SAMD7: variants seen among roughly 807,000 people sequenced by gnomAD.
SAMD7 encodes sterile alpha motif domain-containing protein 7.
In SAMD7, 34 loss-of-function variants were observed where a neutral mutation model predicts 36.7. The ratio of observed to expected loss-of-function variants is 0.93; its 90% CI spans 0.71 to 1.23. The LOEUF (loss-of-function observed/expected upper bound fraction) is 1.23, where lower values mean the gene tolerates loss of function less well. SAMD7 is among the 50% of genes most tolerant of loss of function. The probability of loss-of-function intolerance (pLI) is 0.00; values close to 1 mark genes in which losing one functional copy is unlikely to be tolerated. For synonymous variants in SAMD7, 188 were observed against 189.7 expected, an observed-to-expected ratio of 0.99 and a Z score of 0.07; for missense variants, 570 against 546.6, an observed-to-expected ratio of 1.04 and a Z score of -0.43.
In SAMD7 at chr3:169,927,020, G is replaced by A; in HGVS notation, c.758G>A (p.Gly253Glu). The stretch of plus-strand genomic sequence containing the variant: ...ACGACAGCTCTTGCCAACACCTGTG[G>A]AGAGCTCGAGCCCACCCATAGGAAA... ...KPTTALANTC[G>E]ELEPTHRKPW... The change falls in exon 6 of 9, where the codon GGA becomes GAA. Residue 253 changes from glycine (G) to glutamate (E), a missense_variant. Coordinates refer to ENST00000335556, the MANE Select transcript of SAMD7 (RefSeq NM_001304366.2). 3 of 1,612,734 alleles carry A rather than the reference G, an allele frequency of 1.9e-6. No individual in the cohort carries two copies.
intron 7 of SAMD7, chr3:169,933,055 TG>T: frequency 1.1e-6 from 1 of 873,620 alleles, no homozygotes; most frequent in Non-Finnish European, 1.9e-6. Context: ...AATGGTGTGC[TG>T]AAGTCTACCT....
Position 169,935,792 on chromosome 3 carries a change from C to T in SAMD7, c.1042-547C>T, listed in dbSNP as rs906982774. Among the ~76,000 whole-genome samples, 24 of 152,318 alleles carry T rather than the reference C, an allele frequency of 1.6e-4. No homozygotes were observed. The East Asian group carries it at 3.5e-3, about 22-fold the overall frequency. On this transcript the variant is annotated intron_variant, in intron 7 of 8. Coordinates refer to ENST00000335556, the MANE Select transcript of SAMD7 (RefSeq NM_001304366.2). ...CTTTCAGAGAAAGGAAGGCACGCCACGTCCACTACAGTTTCAGGACTAACA... is the reference window on the plus strand; with the variant it reads ...CTTTCAGAGAAAGGAAGGCACGCCATGTCCACTACAGTTTCAGGACTAACA...
chr3:169,935,243 T>A (rs2108266510), intron 7 of SAMD7, among the ~76,000 whole-genome samples: 1 of 152,314 alleles, frequency 6.6e-6, no homozygotes, highest in South Asian at 2.1e-4. Context: ...TTTGTTTGTT[T>A]AATGATGGTG....
intron 2 of SAMD7, among the ~76,000 whole-genome samples, chr3:169,918,122 G>C (rs887940518): frequency 1.3e-5 from 2 of 151,616 alleles, no homozygotes; most frequent in Admixed American, 6.6e-5. Context: ...ATTTTCAGTA[G>C]AGACAGGGTC....
intron 4 of SAMD7, among the ~76,000 whole-genome samples, chr3:169,924,511 T>C (rs1446793499): frequency 2.0e-5 from 3 of 152,056 alleles, no homozygotes; most frequent in Non-Finnish European, 4.4e-5. Context: ...TGCTTGAACC[T>C]GGGAGGTAGA....
At chr3:169,924,244 T>C (rs1401639166) in intron 4 of SAMD7, among the ~76,000 whole-genome samples, 2 of 151,832 alleles carry the variant, frequency 1.3e-5, no homozygotes, top group African/African-American at 4.8e-5. Context: ...CAAGATAGAT[T>C]ATTGGTAGAA....
chr3:169,936,880 A>G (rs1213417661), intron 8 of SAMD7, among the ~76,000 whole-genome samples: 1 of 152,076 alleles, frequency 6.6e-6, no homozygotes, highest in Non-Finnish European at 1.5e-5. Context: ...ACTATCCTGA[A>G]ATGGGAAAAG....
intron 7 of SAMD7, chr3:169,933,093 C>G (rs1713578890): frequency 1.1e-6 from 1 of 885,930 alleles, no homozygotes; most frequent in African/African-American, 1.6e-5. Context: ...CCATGACCCC[C>G]TCTCCCCAGT....
intron 2 of SAMD7, among the ~76,000 whole-genome samples, chr3:169,918,984 T>C (rs1712927588): frequency 3.9e-5 from 6 of 152,112 alleles, no homozygotes; most frequent in Admixed American, 3.9e-4. Flanking sequence ...CTGTCTCTAT[T>C]AAAAATACAA....
chr3:169,919,650 A>C, intron 3 of SAMD7, 66 bp downstream of exon 3: 1 of 1,273,154 alleles, frequency 7.9e-7, no homozygotes, highest in South Asian at 1.2e-5. Context: ...TTTTGGAATG[A>C]TGTTAAGTCT....
chr3:169,918,490 A>G (rs1402908832), intron 2 of SAMD7, among the ~76,000 whole-genome samples: 1 of 152,234 alleles, frequency 6.6e-6, no homozygotes, highest in Non-Finnish European at 1.5e-5. Flanking sequence ...TTCAACTAGT[A>G]CTTGTTTTTA....
chr3:169,922,326 G>C (rs1302946973), intron 4 of SAMD7, among the ~76,000 whole-genome samples: 1 of 152,174 alleles, frequency 6.6e-6, no homozygotes, highest in Admixed American at 6.5e-5. Flanking sequence ...CACTAACAGA[G>C]TCCAGAGATG....
intron 4 of SAMD7, among the ~76,000 whole-genome samples, chr3:169,923,099 A>G (rs1390569729): frequency 1.3e-5 from 2 of 152,200 alleles, no homozygotes; most frequent in Admixed American, 6.5e-5. Context: ...AACCATATTC[A>G]TAAGTTTATG....
At chr3:169,933,399 A>G (rs1485322146) in intron 7 of SAMD7, among the ~76,000 whole-genome samples, 3 of 152,232 alleles carry the variant, frequency 2.0e-5, no homozygotes, top group Admixed American at 1.3e-4. Flanking sequence ...TAGAAACTAA[A>G]GCAAAGACCA....
chr3:169,915,963 G>C (rs1308902425), intron 2 of SAMD7, among the ~76,000 whole-genome samples: 1 of 152,142 alleles, frequency 6.6e-6, no homozygotes, highest in Admixed American at 6.5e-5. Flanking sequence ...AATTTGATGA[G>C]TTTTGGCATA....
At chr3:169,925,982 A>G (rs1022707148) in intron 5 of SAMD7, among the ~76,000 whole-genome samples, 1 of 152,194 alleles carries the variant, frequency 6.6e-6, no homozygotes, top group African/African-American at 2.4e-5. Flanking sequence ...CCCAGGAGAA[A>G]GAAAAGTATA....
chr3:169,927,235 C>T, intron 6 of SAMD7, 54 bp downstream of exon 6: 2 of 1,352,686 alleles, frequency 1.5e-6, no homozygotes, highest in Non-Finnish European at 2.0e-6. Context: ...TTGCCAAGTC[C>T]GTAGGTTACT....
chr3:169,928,522 G>C lies in SAMD7; in HGVS notation c.985G>C (p.Val329Leu). ...GGATGAAGATATTCAGAAGTGGACC[G>C]TGGATGATGTGCACAGCTTCATTCG... Reference protein sequence around the residue: ...SLDEDIQKWTVDDVHSFIRSL... With the variant: ...SLDEDIQKWTLDDVHSFIRSL... Residue 329 changes from valine to leucine, a missense_variant, in exon 7 of 9, where the codon GTG becomes CTG. Val to Leu is a conservative substitution (Grantham distance 32). Coordinates refer to ENST00000335556, the MANE Select transcript of SAMD7 (RefSeq NM_001304366.2). 6.2e-7 allele frequency: 1 copy of C among 1,613,742 alleles called. No homozygotes were observed. The highest frequency in any genetic ancestry group is 8.5e-7 in the Non-Finnish European group (1 of 1,179,630).
At chr3:169,929,479 A>C (rs1208989701) in intron 7 of SAMD7, among the ~76,000 whole-genome samples, 1 of 152,020 alleles carries the variant, frequency 6.6e-6, no homozygotes, top group East Asian at 1.9e-4. Context: ...TTTTCTTTTT[A>C]TTATTATTAT....
Sources: allele counts gnomAD v4.1 joint callset (sites outside exome capture counted in the v4.1 genomes callset), GRCh38; gene constraint gnomAD v4.1.1; transcripts MANE v1.5; gene names NCBI Gene and HGNC (gene_info 2026-07-23, HGNC 2026-07-21).